SLC6A12: variants seen among roughly 807,000 people sequenced by gnomAD.
SLC6A12 encodes sodium- and chloride-dependent betaine transporter.
In SLC6A12, 50 loss-of-function variants were observed where a neutral mutation model predicts 73.3. That is an observed-to-expected ratio of 0.68 (90% CI 0.54 to 0.86). The LOEUF (loss-of-function observed/expected upper bound fraction) is 0.86. SLC6A12 is among the 40% of genes least tolerant of loss of function. SLC6A12 has a pLI of 0.00. For synonymous variants in SLC6A12, 304 were observed against 309.2 expected (o/e 0.98, Z 0.18); for missense variants, 648 against 772.8 (o/e 0.84, Z 1.92).
intron 13 of SLC6A12, chr12:194,203 G>A (rs1313293312): frequency 6.6e-6 from 1 of 152,276 alleles, no homozygotes; most frequent in Non-Finnish European, 1.5e-5. Context: ...CACACCTGTT[G>A]TGACCAAGTT....
intron 3 of SLC6A12, among the ~76,000 whole-genome samples, chr12:208,402 A>G (rs935705972): frequency 6.6e-6 from 1 of 152,220 alleles, no homozygotes; most frequent in Non-Finnish European, 1.5e-5. Context: ...GATACACAGT[A>G]GACCCTCCGT....
chr12:208,388 G>A (rs966956055), intron 3 of SLC6A12, among the ~76,000 whole-genome samples: 1 of 152,140 alleles, frequency 6.6e-6, no homozygotes, highest in South Asian at 2.1e-4. Context: ...AAAACACATA[G>A]CAAGATACAC....
chr12:187,051 G>C (rs1002198990), downstream of SLC6A12, among the ~76,000 whole-genome samples: 1 of 152,198 alleles, frequency 6.6e-6, no homozygotes, highest in Non-Finnish European at 1.5e-5. Flanking sequence ...GAATATGTGA[G>C]AAAACCAGGT....
downstream of SLC6A12, among the ~76,000 whole-genome samples, chr12:186,413 C>T (rs1460174242): frequency 3.9e-5 from 6 of 152,200 alleles, no homozygotes; most frequent in Non-Finnish European, 8.8e-5. Flanking sequence ...AAAATCACCC[C>T]AAAGCTTACG....
chr12:209,312 C>A (rs1188054867), intron 3 of SLC6A12, among the ~76,000 whole-genome samples: 1 of 152,220 alleles, frequency 6.6e-6, no homozygotes, highest in African/African-American at 2.4e-5. Context: ...CACCATTTGA[C>A]ATAGACCACG....
At chr12:199,122 T>G (rs1940076912) in intron 7 of SLC6A12, 191 bp from the exon 8 acceptor site, 16 of 488,808 alleles carry the variant, frequency 3.3e-5, no homozygotes, top group South Asian at 7.5e-5. Flanking sequence ...CCCCAGGGTG[T>G]GAGATACACA....
At position 198,136 on chromosome 12, in the gene SLC6A12, C is replaced by A. The variant is rs1342081440; in HGVS notation, c.847-133G>T. On this transcript the variant is annotated intron_variant, in intron 8 of 15. Coordinates refer to ENST00000684302, the MANE Select transcript of SLC6A12 (RefSeq NM_001122848.3). The surrounding 1 kb of genome is among the most constrained non-coding windows in gnomAD (Gnocchi z 4.0). Reference sequence around the variant, plus strand: ...TCCCTGAGCGCTTCCCTCCTGCATCCCAACTCTCCGTGAGTGCGCCCTCCG... The same window carrying A: ...TCCCTGAGCGCTTCCCTCCTGCATCACAACTCTCCGTGAGTGCGCCCTCCG... The A allele has an allele frequency of 1.9e-5, 13 of 672,918 alleles. No homozygotes were observed. Among genetic ancestry groups the A allele is most frequent in the Admixed American group, 7.9e-5 (3 of 37,800 alleles). 41.7% of individuals were successfully genotyped at this position (672,918 alleles called of 1,614,324 possible). A position where few individuals can be genotyped will look rare whatever the true frequency, so the allele number is the denominator to read the frequency against.
intron 3 of SLC6A12, chr12:204,923 T>A: frequency 2.0e-6 from 1 of 497,814 alleles, no homozygotes; most frequent in Non-Finnish European, 3.6e-6. Context: ...AGAAAGGCCT[T>A]GGAAGGGAAA....
chr12:187,318 G>T (rs189025540), downstream of SLC6A12, among the ~76,000 whole-genome samples: 2 of 152,066 alleles, frequency 1.3e-5, no homozygotes, highest in Non-Finnish European at 2.9e-5. Context: ...GGCGTGTCCG[G>T]AGTTTGTTCC....
intron 2 of SLC6A12, 63 bp downstream of exon 2, chr12:211,963 G>A (rs1204961962): frequency 6.6e-6 from 1 of 152,172 alleles, no homozygotes; most frequent in African/African-American, 2.4e-5. Flanking sequence ...AAGAGATTAA[G>A]GAACAGTGCC....
At chr12:185,072 G>A in the SLC6A12 span, among the ~76,000 whole-genome samples, 15 of 152,182 alleles carry the variant, frequency 9.9e-5, no homozygotes, top group South Asian at 2.1e-4. Context: ...AATCATGATC[G>A]GAGACATAAA....
intron 2 of SLC6A12, among the ~76,000 whole-genome samples, chr12:211,737 G>A (rs532173776): frequency 2.6e-4 from 39 of 152,176 alleles, no homozygotes; most frequent in Non-Finnish European, 5.0e-4. Flanking sequence ...ACTAGTGAGC[G>A]AGCTTGAAAA....
chr12:191,112 T>A lies in SLC6A12; in HGVS notation c.1801A>T (p.Thr601Ser). Residue 601 changes from threonine to serine, a missense_variant, in exon 16 of 16, where the codon ACA (threonine) becomes TCA (serine). Thr to Ser is a moderately conservative substitution (Grantham distance 58, BLOSUM62 1). Transcript: ENST00000684302. The stretch of plus-strand genomic sequence containing the variant: ...TCCCCGGCTATCAGTCCTTCCCTTG[T>A]TGGGGAGGGCCCAAAGTTCCGGCCA... ...SAGRNFGPSP[T>S]REGLIAGEKE... 1 of 1,356,772 alleles carries A rather than the reference T, an allele frequency of 7.4e-7. No individual in the cohort carries two copies. 84.0% of individuals were successfully genotyped at this position (1,356,772 alleles called of 1,614,324 possible).
chr12:197,623 G>C, intron 9 of SLC6A12, 122 bp from the exon 10 acceptor site: 279 of 920,846 alleles, frequency 3.0e-4, no homozygotes, highest in Non-Finnish European at 4.1e-4. Context: ...GAAGGGGGAG[G>C]CAAGGGAGGC....
At chr12:205,060 TAAACTCTTGGTACATTTTAGAGAAAAACA>T (rs1474087294) in intron 3 of SLC6A12, 1 of 207,388 alleles carries the variant, frequency 4.8e-6, no homozygotes, top group Non-Finnish European at 9.8e-6. Flanking sequence ...ATATGCTTAT[TAAACTCTTGGTACATTTTAGAGAAAAACA>T]AACACAAACA....
chr12:198,601 A>C lies in SLC6A12; in HGVS notation c.846+196T>G. 3.7e-6 allele frequency: 2 copies of C among 542,552 alleles called. No individual in the cohort carries two copies. Among genetic ancestry groups the C allele is most frequent in the Non-Finnish European group, 6.2e-6 (2 of 321,326 alleles). 33.6% of individuals were successfully genotyped at this position (542,552 alleles called of 1,614,324 possible). A position where few individuals can be genotyped will look rare whatever the true frequency, so the allele number is the denominator to read the frequency against. ...AGAAAAAAAATTTTTTAAGAAAAAA[A>C]GTTATATTTGAGTGGTGGAATTACA... On this transcript the variant is annotated intron_variant, in intron 8 of 15. Transcript: ENST00000684302. This position sits in a 1 kb window ranked among gnomAD's most constrained non-coding sequence, Gnocchi z 4.0.
chr12:185,358 G>A (rs1427431770), downstream of SLC6A12, among the ~76,000 whole-genome samples: 2 of 152,206 alleles, frequency 1.3e-5, no homozygotes, highest in Non-Finnish European at 2.9e-5. Context: ...TGCTCCCTGT[G>A]CCCGTGTCTT....
intron 14 of SLC6A12, 56 bp downstream of exon 14, chr12:193,221 T>C: frequency 7.9e-7 from 1 of 1,263,998 alleles, no homozygotes; most frequent in East Asian, 2.3e-5. Context: ...CTTTCCCTCA[T>C]CTCTGGAGTC....
chr12:198,036 GC>G lies in SLC6A12; in HGVS notation c.847-34del. The G allele has an allele frequency of 1.9e-6, 3 of 1,574,902 alleles. No homozygotes were observed. Among genetic ancestry groups the G allele is most frequent in the Non-Finnish European group, 1.7e-6 (2 of 1,145,104 alleles). The stretch of plus-strand genomic sequence containing the variant: ...AAACCCCAAGAAAGAGGTAGAGGCA[GC>G]CCCCAGGGCCCAGAGCCAGGGTGAC... On this transcript the variant is annotated intron_variant, in intron 8 of 15. Transcript: ENST00000684302. The surrounding 1 kb of genome is among the most constrained non-coding windows in gnomAD (Gnocchi z 4.0).
Sources: gnomAD v4.1 joint callset for allele counts (sites outside exome capture counted in the v4.1 genomes callset) on GRCh38, gnomAD v4.1.1 for gene constraint, Gnocchi (gnomAD v3.1) non-coding constraint, MANE v1.5 for transcripts, NCBI Gene and HGNC (gene_info 2026-07-23, HGNC 2026-07-21) for gene names.